CACNG2: variants seen among roughly 807,000 people sequenced by gnomAD.
CACNG2 encodes calcium voltage-gated channel auxiliary subunit gamma 2, also known as voltage-dependent calcium channel gamma-2 subunit.
In CACNG2, 3 loss-of-function variants were observed where a neutral mutation model predicts 25.9. The ratio of observed to expected loss-of-function variants is 0.12; its 90% CI spans 0.05 to 0.30. The LOEUF (loss-of-function observed/expected upper bound fraction) is 0.30. Ranked by LOEUF, CACNG2 falls within the 10% of genes least tolerant of loss-of-function variation. The pLI is 1.00. For synonymous variants in CACNG2, 167 were observed against 173.3 expected, an observed-to-expected ratio of 0.96 and a Z score of 0.29; for missense variants, 341 against 432.5, an observed-to-expected ratio of 0.79 and a Z score of 1.88.
intron 2 of CACNG2, among the ~76,000 whole-genome samples, chr22:36,579,156 G>A (rs1231340313): frequency 6.6e-6 from 1 of 152,094 alleles, no homozygotes; most frequent in East Asian, 1.9e-4. Context: ...TGTAATCCCA[G>A]CACTTTGGGA....
intron 1 of CACNG2, among the ~76,000 whole-genome samples, chr22:36,696,289 T>A (rs1937339257): frequency 6.6e-6 from 1 of 152,192 alleles, no homozygotes; most frequent in South Asian, 2.1e-4. Context: ...TTGTCCTTTA[T>A]GCGTTCAGTC....
intron 1 of CACNG2, among the ~76,000 whole-genome samples, chr22:36,656,856 C>T (rs925570787): frequency 9.2e-5 from 14 of 152,210 alleles, no homozygotes; most frequent in African/African-American, 2.4e-4. Context: ...TCCTGGCCAA[C>T]GCTCTCTGGC....
intron 1 of CACNG2, among the ~76,000 whole-genome samples, chr22:36,616,108 T>C (rs1936018994): frequency 2.0e-5 from 3 of 152,208 alleles, no homozygotes; most frequent in Admixed American, 1.3e-4. Context: ...AGTGACAATG[T>C]CCTTGAATTA....
intron 1 of CACNG2, among the ~76,000 whole-genome samples, chr22:36,692,659 G>T (rs528538521): frequency 6.6e-6 from 1 of 152,318 alleles, no homozygotes; most frequent in East Asian, 1.9e-4. Flanking sequence ...AACTCCCAGA[G>T]GCCAGGCCCC....
At position 36,660,675 on chromosome 22, in the gene CACNG2, C is replaced by A. The variant is rs538217126; in HGVS notation, c.211+41691G>T. ...GGGGCGGGGCAGCGTGTGCGCTTGGCTGTTTCACCCAGTTGTCACCCACAA... is the reference window on the plus strand; with the variant it reads ...GGGGCGGGGCAGCGTGTGCGCTTGGATGTTTCACCCAGTTGTCACCCACAA... On this transcript the variant is annotated intron_variant, in intron 1 of 3. Transcript: ENST00000300105. 4.3e-4 allele frequency among the ~76,000 whole-genome samples: 66 copies of A among 152,348 alleles called. 1 individual carries two copies. In the Middle Eastern group the frequency reaches 0.034, roughly 79 times the overall value.
chr22:36,700,209 G>T (rs1801675631), intron 1 of CACNG2, among the ~76,000 whole-genome samples: 1 of 152,362 alleles, frequency 6.6e-6, no homozygotes, highest in East Asian at 1.9e-4. Flanking sequence ...GAGAGGGAGT[G>T]TGCAGCTTGG....
At chr22:36,622,785 C>G (rs1049632735) in intron 1 of CACNG2, among the ~76,000 whole-genome samples, 2 of 151,894 alleles carry the variant, frequency 1.3e-5, no homozygotes, top group African/African-American at 4.8e-5. Flanking sequence ...ATGGAGAAAC[C>G]CCGTCTCTAC....
rs1185007080 is a variant in CACNG2 at position 36,627,336 on chromosome 22, T to C, written c.212-39788A>G. ...TGTGTGTGTGTAGAGGGAGAGAAAA[T>C]GAATGAGAGAATCAGGGTAGATACA... On this transcript the variant is annotated intron_variant, in intron 1 of 3. Transcript: ENST00000300105. 2.1e-5 allele frequency among the ~76,000 whole-genome samples: 3 copies of C among 144,568 alleles called. No homozygotes were observed. In the Admixed American group the frequency reaches 2.1e-4, roughly 10 times the overall value. The allele number at this position is 144,568 out of a possible 152,430, so 94.8% of individuals were successfully genotyped here. A position where few individuals can be genotyped will look rare whatever the true frequency, so the allele number is the denominator to read the frequency against.
chr22:36,686,908 T>C (rs1411079157), intron 1 of CACNG2, among the ~76,000 whole-genome samples: 1 of 152,246 alleles, frequency 6.6e-6, no homozygotes, highest in Admixed American at 6.5e-5. Flanking sequence ...CCTCCAGGCA[T>C]GTGGCCACCT....
chr22:36,604,562 G>A (rs1935802635), intron 1 of CACNG2, among the ~76,000 whole-genome samples: 1 of 152,116 alleles, frequency 6.6e-6, no homozygotes, highest in Non-Finnish European at 1.5e-5. Context: ...TTAAGAAATT[G>A]GCACAACCAC....
At chr22:36,568,797 G>A (rs1283275874) in intron 2 of CACNG2, among the ~76,000 whole-genome samples, 1 of 152,156 alleles carries the variant, frequency 6.6e-6, no homozygotes, top group East Asian at 1.9e-4. Flanking sequence ...TGGGTGAGTG[G>A]GTTATTTGGG....
rs568671273 is a variant in CACNG2 at position 36,606,971 on chromosome 22, C to G, written c.212-19423G>C. Among the ~76,000 whole-genome samples the G allele has an allele frequency of 1.3e-5, 2 of 150,144 alleles. No individual in the cohort carries two copies. The highest frequency in any genetic ancestry group is 4.9e-5 in the African/African-American group (2 of 40,830). ...GTGTGTGTAGGTATTATGTGTATGT[C>G]TGTGTGTGGTGTGTTTGTATGTGTG... On this transcript the variant is annotated intron_variant, in intron 1 of 3. Coordinates refer to ENST00000300105, the MANE Select transcript of CACNG2 (RefSeq NM_006078.5). The surrounding 1 kb of genome is among the most constrained non-coding windows in gnomAD (Gnocchi z 5.7).
At chr22:36,680,420 TCATCACCAC>T (rs1937094593) in intron 1 of CACNG2, among the ~76,000 whole-genome samples, 1 of 132,924 alleles carries the variant, frequency 7.5e-6, no homozygotes, top group Non-Finnish European at 1.6e-5. Context: ...ATCATCACCA[TCATCACCAC>T]CACCACCATC....
At chr22:36,680,351 CCACCATCAT>C (rs1456148306) in intron 1 of CACNG2, among the ~76,000 whole-genome samples, 3 of 148,674 alleles carry the variant, frequency 2.0e-5, no homozygotes, top group Middle Eastern at 3.5e-3. Flanking sequence ...ATCATCACTA[CCACCATCAT>C]CACCATCATC....
At chr22:36,692,803 G>T (rs1937281778) in intron 1 of CACNG2, among the ~76,000 whole-genome samples, 1 of 152,152 alleles carries the variant, frequency 6.6e-6, no homozygotes. Flanking sequence ...CAGTCTTACA[G>T]GGGAACTCAG....
chr22:36,592,011 T>C (rs1422462100), intron 1 of CACNG2, among the ~76,000 whole-genome samples: 5 of 151,934 alleles, frequency 3.3e-5, no homozygotes, highest in Admixed American at 6.6e-5. Flanking sequence ...GAAGTGTGTG[T>C]GTCAGTGGCT....
At chr22:36,634,951 G>C (rs1413665377) in intron 1 of CACNG2, among the ~76,000 whole-genome samples, 1 of 152,186 alleles carries the variant, frequency 6.6e-6, no homozygotes, top group Non-Finnish European at 1.5e-5. Context: ...AAATCACCCA[G>C]ATATTGGAAG....
chr22:36,607,633 C>T (rs1935863631), intron 1 of CACNG2, among the ~76,000 whole-genome samples: 1 of 151,954 alleles, frequency 6.6e-6, no homozygotes, highest in Admixed American at 6.6e-5. Flanking sequence ...ACCATTAACC[C>T]ATGAGAGCGG....
intron 1 of CACNG2, among the ~76,000 whole-genome samples, chr22:36,619,932 G>C (rs567187955): frequency 6.6e-6 from 1 of 152,228 alleles, no homozygotes; most frequent in Non-Finnish European, 1.5e-5. Flanking sequence ...CTGTCACTTG[G>C]GGTCATCGCT....
Sources: allele counts gnomAD v4.1 joint callset (sites outside exome capture counted in the v4.1 genomes callset), GRCh38; gene constraint gnomAD v4.1.1; non-coding constraint Gnocchi (gnomAD v3.1); transcripts MANE v1.5; gene names NCBI Gene and HGNC (gene_info 2026-07-23, HGNC 2026-07-21).